The following NFIX variants were observed in gnomAD, a reference collection of about 807,000 sequenced individuals.
The protein encoded by NFIX is nuclear factor I X.
A neutral mutation model predicts 53.3 loss-of-function variants in NFIX; 2 were observed. The ratio of observed to expected loss-of-function variants is 0.04; its 90% confidence interval spans 0.02 to 0.12. The LOEUF is 0.12. NFIX is among the 10% of genes least tolerant of loss of function. The probability of loss-of-function intolerance (pLI) is 1.00; values close to 1 mark genes in which losing one functional copy is unlikely to be tolerated. For synonymous variants in NFIX, 244 were observed against 289.0 expected, an observed-to-expected ratio of 0.84 and a Z score of 1.58; for missense variants, 310 against 674.5, an observed-to-expected ratio of 0.46 and a Z score of 5.99.
At chr19:13,058,395 A>G (rs2015848695) in intron 2 of NFIX, among the ~76,000 whole-genome samples, 1 of 151,964 alleles carries the variant, frequency 6.6e-6, no homozygotes, top group African/African-American at 2.4e-5. Context: ...ATCCGTAATC[A>G]ATGCCAGCAC....
intron 2 of NFIX, among the ~76,000 whole-genome samples, chr19:13,031,386 T>C (rs1157431109): frequency 6.6e-6 from 1 of 152,172 alleles, no homozygotes; most frequent in Admixed American, 6.5e-5. Context: ...GCTCTATTGC[T>C]GACCCAGAGG....
intron 2 of NFIX, among the ~76,000 whole-genome samples, chr19:13,063,568 G>A (rs898809548): frequency 2.7e-5 from 4 of 150,826 alleles, no homozygotes; most frequent in African/African-American, 9.8e-5. Context: ...TCAGAATCTT[G>A]TACTGTACTG....
rs975444230 is a variant in NFIX at position 12,995,913 on chromosome 19, AGGCC to A, written c.27+57_27+60del. On this transcript the variant is annotated intron_variant, in intron 1 of 10. Coordinates refer to ENST00000592199, the MANE Select transcript of NFIX (RefSeq NM_001365902.3). ...ACCGGGGGAGGGGAGCGGGCGCGGGAGGCCGGCCGGCGGCGCGGGCGGAGGGGAC... is the reference window on the plus strand; with the variant it reads ...ACCGGGGGAGGGGAGCGGGCGCGGGAGGCCGGCGGCGCGGGCGGAGGGGAC... 3.3e-4 allele frequency: 300 copies of A among 900,044 alleles called. 1 individual carries two copies. Among genetic ancestry groups the A allele is most frequent in the Non-Finnish European group, 3.8e-4 (287 of 762,396 alleles). The allele number at this position is 900,044 out of a possible 1,614,324, so 55.8% of individuals were successfully genotyped here.
chr19:13,001,339 T>C lies in NFIX; in HGVS notation c.27+5475T>C, dbSNP rs77773133. ...TCTCCCAGCGTCCATCACTGGGTGC[T>C]ACCTGCATGTGACTCCACGGATCAT... On this transcript the variant is annotated intron_variant, in intron 1 of 10. Coordinates refer to ENST00000592199, the MANE Select transcript of NFIX (RefSeq NM_001365902.3). This position sits in a 1 kb window ranked among gnomAD's most constrained non-coding sequence, Gnocchi z 6.5. Among the ~76,000 whole-genome samples, 1 of 152,190 alleles carries C rather than the reference T, an allele frequency of 6.6e-6. No homozygotes were observed. The highest frequency in any genetic ancestry group is 2.4e-5 in the African/African-American group (1 of 41,438).
chr19:13,095,689 GGCAGCCGCC>G lies in NFIX; in HGVS notation c.*1043_*1051del, dbSNP rs2018404196. 1 of 152,414 alleles carries G rather than the reference GGCAGCCGCC, an allele frequency of 6.6e-6. No individual in the cohort carries two copies. Among genetic ancestry groups the G allele is most frequent in the Non-Finnish European group, 1.5e-5 (1 of 68,134 alleles). 9.4% of individuals were successfully genotyped at this position (152,414 alleles called of 1,614,324 possible). ...CCCCGGAGCCGAGCGAGGAGGACCA[GGCAGCCGCC>G]GCTGCCGCGCTAAGCCACCACCTGC... is the stretch of plus-strand genomic sequence containing the variant. On this transcript the variant is annotated 3_prime_UTR_variant, in exon 11 of 11. Coordinates refer to ENST00000592199, the MANE Select transcript of NFIX (RefSeq NM_001365902.3).
intron 2 of NFIX, among the ~76,000 whole-genome samples, chr19:13,059,777 CTTTTT>C (rs35128120): frequency 0.035 from 2,081 of 60,108 alleles, 3 homozygotes; most frequent in Middle Eastern, 0.071. Context: ...AATTAGAATT[CTTTTT>C]TTTTTTTTTT....
chr19:13,053,692 G>A (rs376475376), intron 2 of NFIX, among the ~76,000 whole-genome samples: 27 of 152,190 alleles, frequency 1.8e-4, no homozygotes, highest in African/African-American at 6.5e-4. Flanking sequence ...TCAGAAGGGT[G>A]GATTTGGGAC....
chr19:13,025,644 T>G lies in NFIX; in HGVS notation c.559+92T>G. On this transcript the variant is annotated intron_variant, in intron 2 of 10. Transcript: ENST00000592199. This position sits in a 1 kb window ranked among gnomAD's most constrained non-coding sequence, Gnocchi z 7.5. ...GTTCCTCTAATTTCCAAGCGATAAC[T>G]CGCCATGGGCCTAACTGGTGTATGC... The G allele has an allele frequency of 6.9e-7, 1 of 1,443,380 alleles. No individual in the cohort carries two copies. Among genetic ancestry groups the G allele is most frequent in the Non-Finnish European group, 9.4e-7 (1 of 1,067,478 alleles). The allele number at this position is 1,443,380 out of a possible 1,614,324, so 89.4% of individuals were successfully genotyped here.
At chr19:13,010,280 G>A (rs1039291701) in intron 1 of NFIX, among the ~76,000 whole-genome samples, 1 of 152,216 alleles carries the variant, frequency 6.6e-6, no homozygotes, top group African/African-American at 2.4e-5. Context: ...TCGCGCACGT[G>A]GTTACTCCCA....
intron 2 of NFIX, among the ~76,000 whole-genome samples, chr19:13,048,944 G>A (rs1166799385): frequency 2.0e-5 from 3 of 152,142 alleles, no homozygotes; most frequent in Non-Finnish European, 4.4e-5. Flanking sequence ...CAAGTGTGGT[G>A]ATGCAGCCTG....
rs918253433 is a variant in NFIX, at chr19:13,066,686, A to G, written c.560-6361A>G. ...CCATGTGAGACTCTAGGGATGACAG[A>G]GGAGGGAAAAACCTGCCACCTCAGG... On this transcript the variant is annotated intron_variant, in intron 2 of 10. Coordinates refer to ENST00000592199, the MANE Select transcript of NFIX (RefSeq NM_001365902.3). The surrounding 1 kb of genome is among the most constrained non-coding windows in gnomAD (Gnocchi z 4.2). 3.3e-5 allele frequency among the ~76,000 whole-genome samples: 5 copies of G among 152,152 alleles called. No individual in the cohort carries two copies. The highest frequency in any genetic ancestry group is 1.9e-4 in the East Asian group (1 of 5,194).
chr19:13,014,726 G>A lies in NFIX; in HGVS notation c.28-10295G>A, dbSNP rs537335974. ...GGGCCTGGCATCCAGCCCCAGAGGAGTGCTCTTGCCACTGGCCACAGGGCC... is the reference window on the plus strand; with the variant it reads ...GGGCCTGGCATCCAGCCCCAGAGGAATGCTCTTGCCACTGGCCACAGGGCC... On this transcript the variant is annotated intron_variant, in intron 1 of 10. Transcript: ENST00000592199. This position sits in a 1 kb window ranked among gnomAD's most constrained non-coding sequence, Gnocchi z 4.4. Among the ~76,000 whole-genome samples, 1 of 152,380 alleles carries A rather than the reference G, an allele frequency of 6.6e-6. No homozygotes were observed. Among genetic ancestry groups the A allele is most frequent in the African/African-American group, 2.4e-5 (1 of 41,598 alleles).
rs36059404 is a variant in NFIX, at chr19:13,021,743, A to AC, written c.28-3273dup. Among the ~76,000 whole-genome samples the AC allele has an allele frequency of 2.8e-4, 42 of 151,482 alleles. No individual in the cohort carries two copies. The highest frequency in any genetic ancestry group is 2.5e-4 in the Non-Finnish European group (17 of 67,938). On this transcript the variant is annotated intron_variant, in intron 1 of 10. Transcript: ENST00000592199. This position sits in a 1 kb window ranked among gnomAD's most constrained non-coding sequence, Gnocchi z 4.2. ...CTGCTCCATAGCTCTAACTGGAGAG[A>AC]CCCCCTCAGAAGTGGGACTCCCCTA...
rs895600191 is a variant in NFIX at position 13,073,889 on chromosome 19, C to A, written c.698-17C>A. 4 of 1,613,928 alleles carry A rather than the reference C, an allele frequency of 2.5e-6. No homozygotes were observed. The highest frequency in any genetic ancestry group is 3.4e-6 in the Non-Finnish European group (4 of 1,179,862). On this transcript the variant is annotated splice_polypyrimidine_tract_variant and intron_variant, in intron 4 of 10. Transcript: ENST00000592199. This position sits in a 1 kb window ranked among gnomAD's most constrained non-coding sequence, Gnocchi z 4.5. Reference sequence around the variant, plus strand: ...TCCCCCCACCTCCAAACCTCATCACCCTCTCGTTCTTCCCAGCTCCTGTTG... The same window carrying A: ...TCCCCCCACCTCCAAACCTCATCACACTCTCGTTCTTCCCAGCTCCTGTTG...
chr19:13,037,218 CAG>C lies in NFIX; in HGVS notation c.559+11669_559+11670del, dbSNP rs1041913881. Among the ~76,000 whole-genome samples, 2 of 152,178 alleles carry C rather than the reference CAG, an allele frequency of 1.3e-5. No individual in the cohort carries two copies. The highest frequency in any genetic ancestry group is 2.4e-5 in the African/African-American group (1 of 41,424). On this transcript the variant is annotated intron_variant, in intron 2 of 10. Coordinates refer to ENST00000592199, the MANE Select transcript of NFIX (RefSeq NM_001365902.3). This position sits in a 1 kb window ranked among gnomAD's most constrained non-coding sequence, Gnocchi z 4.2. ...TGTGTCAGGGAGAAGAGGGGAGCTA[CAG>C]AGTCTTCCCTGTCCTTCTCTCTCCC...
intron 2 of NFIX, among the ~76,000 whole-genome samples, chr19:13,046,987 G>A (rs533438499): frequency 6.6e-6 from 1 of 152,292 alleles, no homozygotes; most frequent in Admixed American, 6.5e-5. Flanking sequence ...GGGCTGGAAT[G>A]GGATGATGGG....
At chr19:13,048,563 T>C (rs2015136661) in intron 2 of NFIX, among the ~76,000 whole-genome samples, 1 of 152,166 alleles carries the variant, frequency 6.6e-6, no homozygotes, top group Non-Finnish European at 1.5e-5. Context: ...AAATTCACTA[T>C]TTTAAAGTGT....
In NFIX at chr19:13,021,350, G is replaced by A. The variant is rs1049538834; in HGVS notation, c.28-3671G>A. Among the ~76,000 whole-genome samples, 38 of 152,148 alleles carry A rather than the reference G, an allele frequency of 2.5e-4. No individual in the cohort carries two copies. Among genetic ancestry groups the A allele is most frequent in the African/African-American group, 8.4e-4 (35 of 41,426 alleles). ...CAGTTCACTTGAGATGGATAATTCA[G>A]GGCACAGACTGGGGTCCCAGGTGTT... is the stretch of plus-strand genomic sequence containing the variant. On this transcript the variant is annotated intron_variant, in intron 1 of 10. Coordinates refer to ENST00000592199, the MANE Select transcript of NFIX (RefSeq NM_001365902.3). The surrounding 1 kb of genome is among the most constrained non-coding windows in gnomAD (Gnocchi z 4.2).
At chr19:13,087,774 C>CAAAAAAAAAAAAAAAAA in intron 8 of NFIX, among the ~76,000 whole-genome samples, 1 of 26,392 alleles carries the variant, frequency 3.8e-5, no homozygotes. Context: ...AAAAGAGGAC[C>CAAAAAAAAAAAAAAAAA]AAAAAAAAAA....
Sources: allele counts gnomAD v4.1 joint callset (sites outside exome capture counted in the v4.1 genomes callset), GRCh38; gene constraint gnomAD v4.1.1; non-coding constraint Gnocchi (gnomAD v3.1); transcripts MANE v1.5; gene names NCBI Gene and HGNC (gene_info 2026-07-23, HGNC 2026-07-21).